TTC28: variants seen among roughly 807,000 people sequenced by gnomAD.
The protein encoded by TTC28 is tetratricopeptide repeat domain 28.
TTC28 carries 61 observed loss-of-function variants against 198.0 expected under a neutral mutation model. The ratio of observed to expected loss-of-function variants is 0.31; its 90% CI spans 0.25 to 0.38. The LOEUF is 0.38. Ranked by LOEUF, TTC28 falls within the 10% of genes least tolerant of loss-of-function variation. The pLI is 1.00. For missense variants in TTC28, 2,678 were observed against 3,164.0 expected (o/e 0.85, Z 3.69); for synonymous variants, 1,171 against 1,297.8 (o/e 0.90, Z 2.10).
At chr22:28,633,253 C>A (rs2051208997) in intron 1 of TTC28, among the ~76,000 whole-genome samples, 1 of 147,412 alleles carries the variant, frequency 6.8e-6, no homozygotes, top group South Asian at 2.1e-4. Flanking sequence ...GCACTCCAGT[C>A]TGGGCAACAA....
chr22:28,033,541 T>A (rs1274072223), intron 12 of TTC28, among the ~76,000 whole-genome samples: 1 of 152,192 alleles, frequency 6.6e-6, no homozygotes, highest in African/African-American at 2.4e-5. Flanking sequence ...TACTATCTGG[T>A]ATGACTAGTA....
At chr22:28,670,491 T>C (rs1049895393) in intron 1 of TTC28, among the ~76,000 whole-genome samples, 19 of 152,182 alleles carry the variant, frequency 1.2e-4, no homozygotes, top group Non-Finnish European at 2.2e-4. Flanking sequence ...GGTTCATCCA[T>C]GTTGTATCAT....
chr22:28,142,223 G>A (rs1943354716), intron 6 of TTC28, among the ~76,000 whole-genome samples: 1 of 152,182 alleles, frequency 6.6e-6, no homozygotes, highest in Non-Finnish European at 1.5e-5. Context: ...GTAAGTGTTG[G>A]CTCACCAGAT....
In TTC28 at chr22:28,314,378, G is replaced by A. The variant is rs1332208622; in HGVS notation, c.382-7735C>T. Among the ~76,000 whole-genome samples the A allele has an allele frequency of 2.6e-5, 4 of 152,104 alleles. No individual in the cohort carries two copies. The South Asian group carries it at 6.2e-4, about 24-fold the overall frequency. ...GAAAAAACTACTTTAAAGTTCATAT[G>A]GAACCAAAAAAGAGCCCACATAGCC... On this transcript the variant is annotated intron_variant, in intron 2 of 22. Transcript: ENST00000397906.
intron 6 of TTC28, among the ~76,000 whole-genome samples, chr22:28,111,181 G>T (rs1942470446): frequency 6.6e-6 from 1 of 151,522 alleles, no homozygotes; most frequent in Non-Finnish European, 1.5e-5. Flanking sequence ...TTTTTTCTAT[G>T]ACGAACATAT....
intron 2 of TTC28, among the ~76,000 whole-genome samples, chr22:28,590,164 G>A (rs1235542855): frequency 8.2e-6 from 1 of 121,864 alleles, no homozygotes; most frequent in East Asian, 2.4e-4. Context: ...GTCTCTCTCT[G>A]TCGCCCAGGC....
intron 2 of TTC28, among the ~76,000 whole-genome samples, chr22:28,312,517 G>C (rs891110540): frequency 2.0e-5 from 3 of 152,174 alleles, no homozygotes; most frequent in Non-Finnish European, 2.9e-5. Flanking sequence ...CTGTCTCTCA[G>C]ACCACAGTGC....
chr22:28,312,034 C>CAAAAAAAA (rs200319220), intron 2 of TTC28, among the ~76,000 whole-genome samples: 1 of 90,072 alleles, frequency 1.1e-5, no homozygotes, highest in Admixed American at 1.1e-4. Context: ...AAATAGAAAG[C>CAAAAAAAA]AAAAAAAAAA....
chr22:28,269,172 G>A (rs1348660792), intron 5 of TTC28, among the ~76,000 whole-genome samples: 1 of 151,486 alleles, frequency 6.6e-6, no homozygotes. Context: ...TTTAAACGTG[G>A]GGCTGTAACA....
chr22:28,165,958 G>T (rs1454366210), intron 5 of TTC28, among the ~76,000 whole-genome samples: 1 of 152,102 alleles, frequency 6.6e-6, no homozygotes, highest in Non-Finnish European at 1.5e-5. Context: ...GACACACATA[G>T]GCTCAAAATA....
chr22:28,325,290 A>G (rs1250275864), intron 2 of TTC28, among the ~76,000 whole-genome samples: 6 of 152,018 alleles, frequency 3.9e-5, no homozygotes. Context: ...TCTCTGATGG[A>G]AGTGTGTATT....
At chr22:28,662,021 G>GGAAC (rs150117056) in intron 1 of TTC28, among the ~76,000 whole-genome samples, 10,507 of 152,118 alleles carry the variant, frequency 0.069, 527 homozygotes, top group Non-Finnish European at 0.096. Context: ...AATACAGAAA[G>GGAAC]GAACAACCAT....
At chr22:28,072,039 T>C (rs191210798) in intron 12 of TTC28, among the ~76,000 whole-genome samples, 56 of 152,362 alleles carry the variant, frequency 3.7e-4, no homozygotes, top group African/African-American at 1.2e-3. Context: ...TGTCATTAAC[T>C]ACCTGATCTG....
intron 2 of TTC28, among the ~76,000 whole-genome samples, chr22:28,608,153 G>A (rs1055249182): frequency 6.6e-6 from 1 of 152,196 alleles, no homozygotes; most frequent in Non-Finnish European, 1.5e-5. Context: ...AGCAAGCTTT[G>A]TGGGGTTTTT....
At chr22:28,367,881 G>A (rs2046273158) in intron 2 of TTC28, among the ~76,000 whole-genome samples, 1 of 151,910 alleles carries the variant, frequency 6.6e-6, no homozygotes, top group Admixed American at 6.6e-5. Flanking sequence ...TTCAAAACCT[G>A]AACAGACCAA....
chr22:28,202,806 A>G (rs1926089110), intron 5 of TTC28, among the ~76,000 whole-genome samples: 1 of 152,146 alleles, frequency 6.6e-6, no homozygotes, highest in Admixed American at 6.5e-5. Context: ...TCAAACAGAG[A>G]AAGTATAAAA....
rs138635 is a variant in TTC28, at chr22:27,981,230, A to ATTTTTTTTT, written c.*982_*990dup. 30 of 48,218 alleles carry ATTTTTTTTT rather than the reference A, an allele frequency of 6.2e-4. 3 individuals carry two copies. The highest frequency in any genetic ancestry group is 1.4e-3 in the East Asian group (2 of 1,438). 3.0% of individuals were successfully genotyped at this position (48,218 alleles called of 1,614,324 possible). On this transcript the variant is annotated 3_prime_UTR_variant, in exon 23 of 23. Transcript: ENST00000397906. ...TGGTTAAATCTAGTTAGCCATGGAA[A>ATTTTTTTTT]TTTTTTTTTTTTTTTTTTTTTTTTT... is the stretch of plus-strand genomic sequence containing the variant.
At chr22:28,318,635 G>A (rs1459409208) in intron 2 of TTC28, among the ~76,000 whole-genome samples, 2 of 151,994 alleles carry the variant, frequency 1.3e-5, no homozygotes, top group Non-Finnish European at 2.9e-5. Context: ...GCTTAGAACT[G>A]GAACCTCTTT....
chr22:28,566,117 C>T (rs114473221), intron 2 of TTC28, among the ~76,000 whole-genome samples: 218 of 152,220 alleles, frequency 1.4e-3, no homozygotes, highest in African/African-American at 5.1e-3. Context: ...TTTTGTATGG[C>T]CTCCATATAT....
Sources: gnomAD v4.1 joint callset for allele counts (sites outside exome capture counted in the v4.1 genomes callset) on GRCh38, gnomAD v4.1.1 for gene constraint, MANE v1.5 for transcripts, NCBI Gene and HGNC (gene_info 2026-07-23, HGNC 2026-07-21) for gene names.